Variants in EEF2K observed in about 807,000 individuals in gnomAD.
The protein encoded by EEF2K is alternative protein EEF2K.
In EEF2K, 70 loss-of-function variants were observed where a neutral mutation model predicts 93.8. That is an observed-to-expected ratio of 0.75 (90% CI 0.62 to 0.91). EEF2K has a LOEUF of 0.91. Among genes scored for constraint, EEF2K ranks in the 40% least tolerant of loss-of-function variants. EEF2K has a pLI of 0.00. For synonymous variants in EEF2K, 376 were observed against 380.8 expected (o/e 0.99, Z 0.15); for missense variants, 935 against 972.9 (o/e 0.96, Z 0.52).
At position 22,225,676 on chromosome 16, in the gene EEF2K, C is replaced by T. The variant is rs554551621; in HGVS notation, c.-54C>T. 7.5e-6 allele frequency: 12 copies of T among 1,593,366 alleles called. No homozygotes were observed. The Admixed American group carries it at 1.4e-4, about 18-fold the overall frequency. On this transcript the variant is annotated 5_prime_UTR_variant, in exon 2 of 18. Transcript: ENST00000263026. ...TAGGACCTTCGCCTCTGCATTTGTC[C>T]AGTAACTCTGGCTGTGCCGGATACT...
At chr16:22,248,557 A>G (rs1334797077) in intron 3 of EEF2K, among the ~76,000 whole-genome samples, 198 bp from the exon 4 acceptor site, 1 of 152,150 alleles carries the variant, frequency 6.6e-6, no homozygotes, top group African/African-American at 2.4e-5. Context: ...GAAAGGATTG[A>G]GACCAGTGTG....
chr16:22,221,805 C>T (rs1025776686), intron 1 of EEF2K, among the ~76,000 whole-genome samples: 1 of 152,164 alleles, frequency 6.6e-6, no homozygotes, highest in Admixed American at 6.5e-5. Context: ...CTCAGTGGCT[C>T]ATATCTGTAA....
intron 1 of EEF2K, among the ~76,000 whole-genome samples, chr16:22,215,038 A>C (rs1048208217): frequency 6.6e-6 from 1 of 152,108 alleles, no homozygotes; most frequent in African/African-American, 2.4e-5. Context: ...ATGGCCTGGG[A>C]TCAGTCTGAT....
chr16:22,229,785 T>G (rs2047098159), intron 2 of EEF2K, among the ~76,000 whole-genome samples: 1 of 152,196 alleles, frequency 6.6e-6, no homozygotes, highest in East Asian at 1.9e-4. Flanking sequence ...GCAATACCAT[T>G]ACCCTTTCTT....
In EEF2K at chr16:22,251,132, C is replaced by T. The variant is rs752609933; in HGVS notation, c.447-19C>T. 6.2e-7 allele frequency: 1 copy of T among 1,608,614 alleles called. No individual in the cohort carries two copies. The highest frequency in any genetic ancestry group is 1.7e-5 in the Admixed American group (1 of 59,638). On this transcript the variant is annotated intron_variant, in intron 5 of 17. Transcript: ENST00000263026. ...ACCCCAGAGTACCCAGGTAGGCCCC[C>T]TGTTGCCTCTTCCCACAGGAAGAAG...
rs1445545639 is a variant in EEF2K, at chr16:22,263,161, C to G, written c.1351C>G (p.Leu451Val). ...SGYPSEKRGE[L>V]DDPEPREHGH... is the part of the protein sequence containing the mutation. ...ATACCCCAGTGAGAAGCGGGGTGAGCTGGATGACCCTGAGCCCCGAGAACA... is the reference window on the plus strand; with the variant it reads ...ATACCCCAGTGAGAAGCGGGGTGAGGTGGATGACCCTGAGCCCCGAGAACA... Residue 451 changes from leucine to valine, a missense_variant, in exon 12 of 18, where the codon CTG becomes GTG. Transcript: ENST00000263026. The G allele has an allele frequency of 6.2e-7, 1 of 1,612,440 alleles. No individual in the cohort carries two copies. Among genetic ancestry groups the G allele is most frequent in the South Asian group, 1.1e-5 (1 of 90,818 alleles).
rs921680749 is a variant in EEF2K, at chr16:22,206,389, C to T, written c.-367C>T. 1 of 152,828 alleles carries T rather than the reference C, an allele frequency of 6.5e-6. No homozygotes were observed. The allele number at this position is 152,828 out of a possible 1,614,324, so 9.5% of individuals were successfully genotyped here. A position where few individuals can be genotyped will look rare whatever the true frequency, so the allele number is the denominator to read the frequency against. ...AGTCCCGCTCGCTGTCGCCTGCACG[C>T]GAGTCCCCCCTGGCACGCGCTCCCA... On this transcript the variant is annotated 5_prime_UTR_variant, in exon 1 of 18. Coordinates refer to ENST00000263026, the MANE Select transcript of EEF2K (RefSeq NM_013302.5).
intron 2 of EEF2K, among the ~76,000 whole-genome samples, chr16:22,236,418 G>A (rs1307988414): frequency 1.3e-5 from 2 of 151,548 alleles, no homozygotes; most frequent in Non-Finnish European, 2.9e-5. Flanking sequence ...ATTACTACAG[G>A]CGCATGGCAC....
At chr16:22,239,167 A>C (rs994189865) in intron 2 of EEF2K, among the ~76,000 whole-genome samples, 7 of 151,948 alleles carry the variant, frequency 4.6e-5, no homozygotes, top group African/African-American at 1.7e-4. Context: ...TGGGTTTGGA[A>C]AAAAGGTAAT....
In EEF2K at chr16:22,256,838, A is replaced by C. The variant is rs750805605; in HGVS notation, c.709A>C (p.Ile237Leu). 3.1e-6 allele frequency: 5 copies of C among 1,614,072 alleles called. No homozygotes were observed. In the South Asian group the frequency reaches 5.5e-5, roughly 18 times the overall value. ...GGAGCACTACATCGAGGGCAAGTACATCAAGTACAACTCCAACTCTGGCTT... is the reference window on the plus strand; with the variant it reads ...GGAGCACTACATCGAGGGCAAGTACCTCAAGTACAACTCCAACTCTGGCTT... ...HLEHYIEGKYIKYNSNSGFVR... is the reference protein window; with the variant it reads ...HLEHYIEGKYLKYNSNSGFVR... The change falls in exon 7 of 18, where the codon ATC (isoleucine) becomes CTC (leucine). Residue 237 changes from isoleucine to leucine, a missense_variant. Ile to Leu is a conservative substitution (Grantham distance 5). Coordinates refer to ENST00000263026, the MANE Select transcript of EEF2K (RefSeq NM_013302.5).
At chr16:22,265,053 G>A in intron 13 of EEF2K, 173 bp downstream of exon 13, 1 of 663,722 alleles carries the variant, frequency 1.5e-6, no homozygotes, top group Non-Finnish European at 2.5e-6. Context: ...CCTCTGCAGG[G>A]CAGGATGCTG....
rs552684131 is a variant in EEF2K at position 22,279,312 on chromosome 16, A to G, written c.1890-886A>G. 1.2e-4 allele frequency among the ~76,000 whole-genome samples: 18 copies of G among 147,022 alleles called. No homozygotes were observed. In the East Asian group the frequency reaches 3.2e-3, roughly 26 times the overall value. ...GAGTGCAGTGGCATGATCATAGCTC[A>G]CTGCAGCCTCTAACTCCTGGGCTCA... On this transcript the variant is annotated intron_variant, in intron 16 of 17. Transcript: ENST00000263026.
At chr16:22,266,916 G>C (rs1452165522) in intron 15 of EEF2K, 40 bp downstream of exon 15, 2 of 1,567,522 alleles carry the variant, frequency 1.3e-6, no homozygotes, top group Admixed American at 3.6e-5. Flanking sequence ...GTGGGGGTGG[G>C]ACTTGGTCAC....
At chr16:22,255,620 A>T (rs959193905) in intron 6 of EEF2K, among the ~76,000 whole-genome samples, 3 of 152,196 alleles carry the variant, frequency 2.0e-5, no homozygotes, top group Non-Finnish European at 4.4e-5. Context: ...AGAGCTGAGC[A>T]CAGTGGCTGC....
intron 1 of EEF2K, among the ~76,000 whole-genome samples, chr16:22,218,413 C>T (rs2046979263): frequency 6.6e-6 from 1 of 152,158 alleles, no homozygotes; most frequent in Non-Finnish European, 1.5e-5. Flanking sequence ...GAAGATTCCA[C>T]CTGCTTTCTA....
chr16:22,272,629 A>T (rs891316983), intron 15 of EEF2K, among the ~76,000 whole-genome samples: 6 of 151,624 alleles, frequency 4.0e-5, no homozygotes, highest in Middle Eastern at 3.5e-3. Flanking sequence ...GGTGATGGCC[A>T]TACTGTTCTG....
intron 3 of EEF2K, among the ~76,000 whole-genome samples, chr16:22,248,041 A>ATTTATT (rs71879005): frequency 4.9e-4 from 73 of 150,380 alleles, no homozygotes; most frequent in African/African-American, 9.3e-4. Context: ...TTATGTATGT[A>ATTTATT]TTTATTTTTA....
At chr16:22,225,381 A>G (rs888353903) in intron 1 of EEF2K, among the ~76,000 whole-genome samples, 1 of 152,222 alleles carries the variant, frequency 6.6e-6, no homozygotes, top group Non-Finnish European at 1.5e-5. Flanking sequence ...GATGTGCTAA[A>G]AAGAGCACTC....
At chr16:22,209,597 A>G (rs1598156726) in intron 1 of EEF2K, among the ~76,000 whole-genome samples, 1 of 152,186 alleles carries the variant, frequency 6.6e-6, no homozygotes, top group African/African-American at 2.4e-5. Context: ...TAAAAGAATC[A>G]GTGTTTTTTG....
Sources: gnomAD v4.1 joint callset for allele counts (sites outside exome capture counted in the v4.1 genomes callset) on GRCh38, gnomAD v4.1.1 for gene constraint, MANE v1.5 for transcripts, NCBI Gene and HGNC (gene_info 2026-07-23, HGNC 2026-07-21) for gene names.